ADAM12: variants seen among roughly 807,000 people sequenced by gnomAD.
ADAM12 encodes the protein ADAM metallopeptidase domain 12.
ADAM12 carries 70 observed loss-of-function variants against 106.4 expected under a neutral mutation model. The observed-to-expected ratio is 0.66, with a 90% CI of 0.54 to 0.80. The LOEUF is 0.80. Among genes scored for constraint, ADAM12 ranks in the 30% least tolerant of loss-of-function variants. ADAM12 has a pLI of 0.00. For missense variants in ADAM12, 1,010 were observed against 1,171.9 expected (o/e 0.86, Z 2.02); for synonymous variants, 420 against 433.5 (o/e 0.97, Z 0.39).
chr10:126,187,958 G>T (rs1055247834), intron 3 of ADAM12, among the ~76,000 whole-genome samples: 1 of 152,156 alleles, frequency 6.6e-6, no homozygotes, highest in Admixed American at 6.5e-5. Context: ...AGAAGCACAT[G>T]TCTGCTTTAG....
intron 4 of ADAM12, among the ~76,000 whole-genome samples, chr10:126,150,930 T>C (rs1956718423): frequency 6.6e-6 from 1 of 152,196 alleles, no homozygotes. Flanking sequence ...ACTTCCTTAG[T>C]GAAATGGCGT....
intron 2 of ADAM12, among the ~76,000 whole-genome samples, chr10:126,281,596 G>A (rs537760420): frequency 2.2e-4 from 34 of 152,278 alleles, no homozygotes; most frequent in African/African-American, 7.2e-4. Flanking sequence ...TAGAGAGGGA[G>A]AACAGACAGC....
intron 10 of ADAM12, among the ~76,000 whole-genome samples, chr10:126,096,777 G>A (rs553190633): frequency 3.3e-5 from 5 of 152,346 alleles, no homozygotes; most frequent in South Asian, 4.1e-4. Context: ...TATGTGGAAC[G>A]TGTAAGCAGT....
chr10:126,237,819 T>C (rs1958447911), intron 3 of ADAM12, among the ~76,000 whole-genome samples: 1 of 152,116 alleles, frequency 6.6e-6, no homozygotes, highest in Non-Finnish European at 1.5e-5. Context: ...GCAAATCCTC[T>C]CTCCAGCCCT....
chr10:126,042,069 C>T lies in ADAM12; in HGVS notation c.2104+971G>A, dbSNP rs1802051. On this transcript the variant is annotated intron_variant, in intron 18 of 22. Coordinates refer to ENST00000448723, the MANE Select transcript of ADAM12 (RefSeq NM_001288973.2). ...AGTCAATGCTGCCAGTCACAGGAGGCCTTGGGGACGCGTGACCTCCTCTGC... is the reference window on the plus strand; with the variant it reads ...AGTCAATGCTGCCAGTCACAGGAGGTCTTGGGGACGCGTGACCTCCTCTGC... The T allele has an allele frequency of 1.1e-4, 179 of 1,582,806 alleles. No homozygotes were observed. The African/African-American group carries it at 2.0e-3, about 18-fold the overall frequency.
intron 11 of ADAM12, among the ~76,000 whole-genome samples, chr10:126,072,888 T>C (rs537384017): frequency 1.3e-5 from 2 of 152,248 alleles, no homozygotes; most frequent in Admixed American, 6.5e-5. Context: ...TCTCAATCAA[T>C]TGGCCAAACC....
At chr10:126,258,745 C>T (rs922163753) in intron 3 of ADAM12, among the ~76,000 whole-genome samples, 10 of 152,228 alleles carry the variant, frequency 6.6e-5, no homozygotes, top group Non-Finnish European at 1.5e-4. Context: ...CCTCTCTGCA[C>T]CTGGCTGACT....
chr10:126,109,197 G>A (rs879853012), intron 7 of ADAM12, among the ~76,000 whole-genome samples: 4 of 152,156 alleles, frequency 2.6e-5, no homozygotes, highest in Non-Finnish European at 4.4e-5. Context: ...TCATTCATAG[G>A]TGTTGAAAGA....
At chr10:126,131,864 A>C (rs1274703572) in intron 5 of ADAM12, among the ~76,000 whole-genome samples, 1 of 152,250 alleles carries the variant, frequency 6.6e-6, no homozygotes. Flanking sequence ...TTGAGATAGA[A>C]AATAGACCGT....
Position 126,039,290 on chromosome 10 carries a change from G to A in ADAM12, c.2240+4C>T. On this transcript the variant is annotated splice_donor_region_variant and intron_variant, in intron 19 of 22. Coordinates refer to ENST00000448723, the MANE Select transcript of ADAM12 (RefSeq NM_001288973.2). Reference sequence around the variant, plus strand: ...GAACAGATGACAAGCTAAACCCAGGGTACCTTAGTTTTTCAATGGTGGTCT... The same window carrying A: ...GAACAGATGACAAGCTAAACCCAGGATACCTTAGTTTTTCAATGGTGGTCT... 3 of 1,613,632 alleles carry A rather than the reference G, an allele frequency of 1.9e-6. No individual in the cohort carries two copies. Among genetic ancestry groups the A allele is most frequent in the Non-Finnish European group, 1.7e-6 (2 of 1,179,752 alleles).
intron 5 of ADAM12, among the ~76,000 whole-genome samples, chr10:126,122,065 A>C (rs1956125900): frequency 6.6e-6 from 1 of 152,236 alleles, no homozygotes; most frequent in Non-Finnish European, 1.5e-5. Flanking sequence ...GTGAGAGCTA[A>C]GATGTGCATT....
chr10:126,077,958 C>T (rs1590377741), intron 11 of ADAM12, among the ~76,000 whole-genome samples: 1 of 152,084 alleles, frequency 6.6e-6, no homozygotes, highest in Non-Finnish European at 1.5e-5. Context: ...CCCCCCAATA[C>T]AAAAAATTTA....
At chr10:126,110,731 C>T (rs903529762) in intron 6 of ADAM12, among the ~76,000 whole-genome samples, 1 of 152,198 alleles carries the variant, frequency 6.6e-6, no homozygotes, top group Non-Finnish European at 1.5e-5. Flanking sequence ...TCACACTCTT[C>T]TGTGAATTAC....
rs984407485 is a variant in ADAM12 at position 126,053,259 on chromosome 10, C to CT, written c.1610-3591dup. On this transcript the variant is annotated intron_variant, in intron 14 of 22. Coordinates refer to ENST00000448723, the MANE Select transcript of ADAM12 (RefSeq NM_001288973.2). The surrounding 1 kb of genome is among the most constrained non-coding windows in gnomAD (Gnocchi z 4.6). ...CTGCAGAACCAAGAACCAATTAAACCTTTTTTCTTTATAAATTACCCAGTC... is the reference window on the plus strand; with the variant it reads ...CTGCAGAACCAAGAACCAATTAAACCTTTTTTTCTTTATAAATTACCCAGTC... Among the ~76,000 whole-genome samples the CT allele has an allele frequency of 2.0e-5, 3 of 152,106 alleles. No homozygotes were observed. Among genetic ancestry groups the CT allele is most frequent in the Non-Finnish European group, 4.4e-5 (3 of 68,020 alleles).
At chr10:126,217,835 C>G (rs1958015620) in intron 3 of ADAM12, among the ~76,000 whole-genome samples, 1 of 151,552 alleles carries the variant, frequency 6.6e-6, no homozygotes, top group Non-Finnish European at 1.5e-5. Context: ...ATTAGCTGAG[C>G]GTGGTGGCAC....
At chr10:126,211,689 T>A (rs935628394) in intron 3 of ADAM12, among the ~76,000 whole-genome samples, 1 of 151,826 alleles carries the variant, frequency 6.6e-6, no homozygotes, top group Non-Finnish European at 1.5e-5. Context: ...ATCCTGGACC[T>A]GCCAATAGTT....
chr10:126,229,957 C>G (rs1407416749), intron 3 of ADAM12, among the ~76,000 whole-genome samples: 1 of 152,182 alleles, frequency 6.6e-6, no homozygotes, highest in Admixed American at 6.5e-5. Flanking sequence ...TTGTGCTTCT[C>G]CAGCAGTGTT....
chr10:126,122,287 C>T (rs1278303), intron 5 of ADAM12, among the ~76,000 whole-genome samples: 98,399 of 152,034 alleles, frequency 0.65, 32,764 homozygotes, highest in African/African-American at 0.82. Context: ...CTGGTGTCCA[C>T]GTATATCACC....
At position 126,284,290 on chromosome 10, in the gene ADAM12, G is replaced by A. The variant is rs543129062; in HGVS notation, c.187-5302C>T. On this transcript the variant is annotated intron_variant, in intron 2 of 22. Transcript: ENST00000448723. Reference sequence around the variant, plus strand: ...AGAGGTTGCAGTGAGCTGAGATCACGTCACTGCACTCCAGCCTGGATGACA... The same window carrying A: ...AGAGGTTGCAGTGAGCTGAGATCACATCACTGCACTCCAGCCTGGATGACA... 9.1e-4 allele frequency among the ~76,000 whole-genome samples: 118 copies of A among 129,414 alleles called. 1 individual carries two copies. The highest frequency in any genetic ancestry group is 3.4e-3 in the African/African-American group (113 of 33,476). 84.9% of individuals were successfully genotyped at this position (129,414 alleles called of 152,430 possible). A position where few individuals can be genotyped will look rare whatever the true frequency, so the allele number is the denominator to read the frequency against.
Sources: gnomAD v4.1 joint callset for allele counts (sites outside exome capture counted in the v4.1 genomes callset) on GRCh38, gnomAD v4.1.1 for gene constraint, Gnocchi (gnomAD v3.1) non-coding constraint, MANE v1.5 for transcripts, NCBI Gene and HGNC (gene_info 2026-07-23, HGNC 2026-07-21) for gene names.